The following OCLN variants were observed in gnomAD, a reference collection of about 807,000 sequenced individuals.
The protein encoded by OCLN is phosphatase 1, regulatory subunit 115.
Under a neutral mutation model 47.9 loss-of-function variants are expected in OCLN, and 21 were observed. That is an observed-to-expected ratio of 0.44 (90% CI 0.31 to 0.63). OCLN has a LOEUF of 0.63. OCLN is among the 30% of genes least tolerant of loss of function. OCLN has a pLI of 0.08. For synonymous variants in OCLN, 117 were observed against 198.4 expected (o/e 0.59, Z 3.45); for missense variants, 360 against 571.0 (o/e 0.63, Z 3.77).
chr5:69,496,905 A>G (rs752318164), intron 1 of OCLN, among the ~76,000 whole-genome samples: 6 of 151,654 alleles, frequency 4.0e-5, no homozygotes, highest in Non-Finnish European at 8.8e-5. Flanking sequence ...TGTCCTTGTC[A>G]CTCTCCTGAC....
At chr5:69,515,543 C>G (rs1768923770) in intron 4 of OCLN, among the ~76,000 whole-genome samples, 1 of 148,468 alleles carries the variant, frequency 6.7e-6, no homozygotes, top group African/African-American at 2.5e-5. Flanking sequence ...GGCTGACCCC[C>G]CCCCACCTCC....
rs369493872 is a variant in OCLN at position 69,509,772 on chromosome 5, T to C, written c.682T>C (p.Tyr228His). 1.2e-5 allele frequency: 20 copies of C among 1,613,980 alleles called. No individual in the cohort carries two copies. In the African/African-American group the frequency reaches 2.5e-4, roughly 20 times the overall value. The change falls in exon 3 of 9, where the codon TAC becomes CAC. Residue 228 changes from tyrosine (Y) to histidine (H), a missense_variant. Coordinates refer to ENST00000396442, the MANE Select transcript of OCLN (RefSeq NM_001205254.2). The part of the protein sequence containing the change: ...QFYTPAATGL[Y>H]VDQYLYHYCV... Reference sequence around the variant, plus strand: ...TTATACACCTGCAGCTACTGGACTCTACGTGGATCAGTATTTGTATCACTA... The same window carrying C: ...TTATACACCTGCAGCTACTGGACTCCACGTGGATCAGTATTTGTATCACTA...
At chr5:69,520,739 G>A (rs1407077295) in intron 4 of OCLN, among the ~76,000 whole-genome samples, 1 of 151,844 alleles carries the variant, frequency 6.6e-6, no homozygotes, top group East Asian at 1.9e-4. Context: ...TTGGAGTGCA[G>A]TGGTACAGTC....
At position 69,548,609 on chromosome 5, in the gene OCLN, C is replaced by T. The variant is rs894534109; in HGVS notation, c.1425+508C>T. ...TGCTGGGATTACAGGCGTGAGCCAC[C>T]GCGCCCAGCCCCTACAAAGCACTAT... is the stretch of plus-strand genomic sequence containing the variant. On this transcript the variant is annotated intron_variant, in intron 7 of 8. Coordinates refer to ENST00000396442, the MANE Select transcript of OCLN (RefSeq NM_001205254.2). 4.9e-4 allele frequency among the ~76,000 whole-genome samples: 74 copies of T among 149,814 alleles called. 1 individual carries two copies. The highest frequency in any genetic ancestry group is 1.5e-3 in the African/African-American group (63 of 40,792).
At chr5:69,515,628 C>CG (rs1441076176) in intron 4 of OCLN, among the ~76,000 whole-genome samples, 4 of 29,644 alleles carry the variant, frequency 1.3e-4, no homozygotes, top group Non-Finnish European at 2.2e-4. Context: ...GCTGGCCGGG[C>CG]GGGGGGCTGA....
intron 3 of OCLN, among the ~76,000 whole-genome samples, chr5:69,510,961 T>C (rs1399530365): frequency 1.3e-5 from 2 of 152,206 alleles, no homozygotes; most frequent in Non-Finnish European, 2.9e-5. Context: ...GAAGTGGTGC[T>C]TTATTGTGAT....
At chr5:69,527,255 T>C (rs1022823848) in intron 4 of OCLN, among the ~76,000 whole-genome samples, 18 of 148,832 alleles carry the variant, frequency 1.2e-4, no homozygotes, top group African/African-American at 4.2e-4. Flanking sequence ...CCAGCCTGGG[T>C]AACAGAGTGA....
At chr5:69,522,731 A>AT (rs887366720) in intron 4 of OCLN, among the ~76,000 whole-genome samples, 82 of 143,384 alleles carry the variant, frequency 5.7e-4, no homozygotes, top group Middle Eastern at 3.6e-3. Context: ...TTTCCCTTTT[A>AT]TTTTTTTTTT....
At chr5:69,500,403 CT>C (rs72338145) in intron 1 of OCLN, among the ~76,000 whole-genome samples, 47 of 142,478 alleles carry the variant, frequency 3.3e-4, no homozygotes, top group Admixed American at 4.2e-4. Context: ...GCTTTCTTTT[CT>C]TTTTTTTTTT....
At chr5:69,523,782 C>G (rs898587957) in intron 4 of OCLN, among the ~76,000 whole-genome samples, 3 of 152,022 alleles carry the variant, frequency 2.0e-5, no homozygotes, top group Admixed American at 2.0e-4. Context: ...GTGATCCACC[C>G]GCCTCAGCCT....
chr5:69,549,179 A>G (rs1433125711), intron 7 of OCLN, among the ~76,000 whole-genome samples: 1 of 136,452 alleles, frequency 7.3e-6, no homozygotes, highest in Non-Finnish European at 1.6e-5. Context: ...AAAAAAAAAA[A>G]AAATACAAAA....
intron 3 of OCLN, among the ~76,000 whole-genome samples, chr5:69,510,266 G>T (rs1356089294): frequency 6.6e-6 from 1 of 152,104 alleles, no homozygotes; most frequent in African/African-American, 2.4e-5. Context: ...ATGTTTTTAA[G>T]GTTTACCCAT....
intron 4 of OCLN, among the ~76,000 whole-genome samples, chr5:69,519,366 T>C (rs1404683058): frequency 2.0e-5 from 3 of 152,164 alleles, no homozygotes; most frequent in Non-Finnish European, 2.9e-5. Context: ...ACAAGTTTTA[T>C]CCCTTTTGTA....
Position 69,553,755 on chromosome 5 carries a change from C to T in OCLN, c.*84C>T. 1 of 1,587,184 alleles carries T rather than the reference C, an allele frequency of 6.3e-7. No homozygotes were observed. Among genetic ancestry groups the T allele is most frequent in the Non-Finnish European group, 8.6e-7 (1 of 1,159,314 alleles). On this transcript the variant is annotated 3_prime_UTR_variant, in exon 9 of 9. Coordinates refer to ENST00000396442, the MANE Select transcript of OCLN (RefSeq NM_001205254.2). ...GAAGGCAAATGACTTTGGACCATAA[C>T]CCCGGAAGCCAAACCTCTGTGAGCA...
At chr5:69,526,742 C>T (rs1483805450) in intron 4 of OCLN, among the ~76,000 whole-genome samples, 2 of 152,164 alleles carry the variant, frequency 1.3e-5, no homozygotes, top group African/African-American at 4.8e-5. Context: ...GTCTTGGAAG[C>T]GTAGCTTCTG....
chr5:69,495,239 C>A (rs1768257535), intron 1 of OCLN, among the ~76,000 whole-genome samples: 1 of 152,098 alleles, frequency 6.6e-6, no homozygotes, highest in African/African-American at 2.4e-5. Flanking sequence ...AGTAAACAGA[C>A]CATGCAGATT....
chr5:69,495,751 T>G, intron 1 of OCLN, among the ~76,000 whole-genome samples: 1 of 150,864 alleles, frequency 6.6e-6, no homozygotes, highest in Non-Finnish European at 1.5e-5. Context: ...CAGAGGGGAG[T>G]TTGCTCTGAA....
At chr5:69,515,901 C>T (rs1322336604) in intron 4 of OCLN, among the ~76,000 whole-genome samples, 3 of 150,398 alleles carry the variant, frequency 2.0e-5, no homozygotes, top group East Asian at 2.0e-4. Context: ...AGACGATGGG[C>T]GGCCGGGCAG....
At chr5:69,499,590 T>C (rs1417021094) in intron 1 of OCLN, among the ~76,000 whole-genome samples, 1 of 152,102 alleles carries the variant, frequency 6.6e-6, no homozygotes, top group African/African-American at 2.4e-5. Flanking sequence ...GGTTTTTTTC[T>C]TTCTTTTTTT....
Sources: gnomAD v4.1 joint callset for allele counts (sites outside exome capture counted in the v4.1 genomes callset) on GRCh38, gnomAD v4.1.1 for gene constraint, MANE v1.5 for transcripts, NCBI Gene and HGNC (gene_info 2026-07-23, HGNC 2026-07-21) for gene names.